CACNA1D: variants seen among roughly 807,000 people sequenced by gnomAD.
CACNA1D encodes voltage-dependent L-type calcium channel subunit alpha-1D.
Under a neutral mutation model 257.1 loss-of-function variants are expected in CACNA1D, and 55 were observed. The ratio of observed to expected loss-of-function variants is 0.21; its 90% CI spans 0.17 to 0.27. The LOEUF (loss-of-function observed/expected upper bound fraction) is 0.27, where lower values mean the gene tolerates loss of function less well. Among genes scored for constraint, CACNA1D ranks in the 10% least tolerant of loss-of-function variants. The pLI, the probability that CACNA1D is intolerant of heterozygous loss-of-function variation, is 1.00. For missense variants in CACNA1D, 1,876 were observed against 2,784.0 expected, an observed-to-expected ratio of 0.67 and a Z score of 7.34; for synonymous variants, 980 against 1,014.9, an observed-to-expected ratio of 0.97 and a Z score of 0.65.
intron 4 of CACNA1D, among the ~76,000 whole-genome samples, chr3:53,657,784 C>A (rs1298782238): frequency 1.3e-5 from 2 of 152,190 alleles, no homozygotes; most frequent in African/African-American, 4.8e-5. Context: ...CTGGATTTTT[C>A]CATTCCAACA....
intron 43 of CACNA1D, 104 bp from the exon 44 acceptor site, chr3:53,803,319 C>T: frequency 7.6e-7 from 1 of 1,321,720 alleles, no homozygotes; most frequent in Admixed American, 1.7e-5. Context: ...CTGGGAGAAG[C>T]CAGGAGCACC....
chr3:53,555,437 GGTGT>G lies in CACNA1D; in HGVS notation c.483+53738_483+53741del, dbSNP rs1165879084. Among the ~76,000 whole-genome samples, 111 of 122,880 alleles carry G rather than the reference GGTGT, an allele frequency of 9.0e-4. 2 individuals carry two copies. The highest frequency in any genetic ancestry group is 3.2e-3 in the African/African-American group (95 of 29,324). The allele number at this position is 122,880 out of a possible 152,430, so 80.6% of individuals were successfully genotyped here. On this transcript the variant is annotated intron_variant, in intron 3 of 47. Coordinates refer to ENST00000350061, the MANE Select transcript of CACNA1D (RefSeq NM_001128840.3). ...TGCTCTCTGGCTGCTTTTTCTGGTG[GGTGT>G]GTGTGTGTGTGTGTGTGTGTTTTTT...
chr3:53,674,110 C>G, intron 8 of CACNA1D: 1 of 510,556 alleles, frequency 2.0e-6, no homozygotes, highest in African/African-American at 1.9e-5. Flanking sequence ...GGAATTCCAG[C>G]CTTGGTCTCC....
chr3:53,569,925 C>T (rs1024578581), intron 3 of CACNA1D, among the ~76,000 whole-genome samples: 4 of 152,252 alleles, frequency 2.6e-5, no homozygotes, highest in Middle Eastern at 6.8e-3. Context: ...AAATTACATG[C>T]TGAATATATG....
intron 42 of CACNA1D, among the ~76,000 whole-genome samples, chr3:53,801,730 G>T (rs973410495): frequency 6.6e-6 from 1 of 152,214 alleles, no homozygotes; most frequent in Non-Finnish European, 1.5e-5. Flanking sequence ...TGCGACAGGG[G>T]TTGGTGAATT....
At position 53,730,134 on chromosome 3, in the gene CACNA1D, G is replaced by A. The variant is rs77138356; in HGVS notation, c.2222-308G>A. On this transcript the variant is annotated intron_variant, in intron 15 of 47. Transcript: ENST00000350061. ...AAATGTATAACATAGCTATAGATAC[G>A]TAGATGTTTGGACACACACACACAC... 0.033 allele frequency among the ~76,000 whole-genome samples: 4,982 copies of A among 152,160 alleles called. 271 individuals carry two copies. The highest frequency in any genetic ancestry group is 0.11 in the African/African-American group (4,676 of 41,478).
chr3:53,743,503 G>A (rs957263094), intron 22 of CACNA1D, among the ~76,000 whole-genome samples: 2 of 152,190 alleles, frequency 1.3e-5, no homozygotes, highest in Admixed American at 6.5e-5. Context: ...GGACCAGGTG[G>A]CCTTTCAGTT....
intron 30 of CACNA1D, chr3:53,765,765 TA>T (rs950916399): frequency 3.3e-5 from 5 of 152,258 alleles, no homozygotes; most frequent in Admixed American, 2.6e-4. Flanking sequence ...ACGTTTTGGG[TA>T]GTCCTTTGCA....
chr3:53,520,894 C>CTTTA (rs1559785120), intron 3 of CACNA1D, among the ~76,000 whole-genome samples: 2 of 103,034 alleles, frequency 1.9e-5, no homozygotes, highest in Non-Finnish European at 4.2e-5. Context: ...TTCTTTCTTT[C>CTTTA]TTTTCTTTTC....
intron 30 of CACNA1D, among the ~76,000 whole-genome samples, chr3:53,763,373 G>A (rs550099891): frequency 2.6e-4 from 40 of 152,316 alleles, no homozygotes; most frequent in African/African-American, 7.0e-4. Context: ...ATTAAGAAGC[G>A]TGAGAAAGGG....
At chr3:53,640,798 CAT>C (rs1392856759) in intron 3 of CACNA1D, among the ~76,000 whole-genome samples, 3 of 152,184 alleles carry the variant, frequency 2.0e-5, no homozygotes, top group African/African-American at 4.8e-5. Context: ...AATGGCAAAA[CAT>C]GTGACACTGC....
intron 3 of CACNA1D, among the ~76,000 whole-genome samples, chr3:53,509,841 C>A (rs765511981): frequency 6.6e-6 from 1 of 152,182 alleles, no homozygotes; most frequent in Non-Finnish European, 1.5e-5. Flanking sequence ...GTCAGGGATT[C>A]CTGCATAACA....
At chr3:53,750,493 C>A (rs1382204532) in intron 27 of CACNA1D, among the ~76,000 whole-genome samples, 1 of 152,204 alleles carries the variant, frequency 6.6e-6, no homozygotes, top group Non-Finnish European at 1.5e-5. Context: ...GCAAGCCAAC[C>A]ATAGCTGGCT....
chr3:53,533,316 C>T lies in CACNA1D; in HGVS notation c.483+31596C>T, dbSNP rs541043447. Among the ~76,000 whole-genome samples the T allele has an allele frequency of 1.9e-3, 282 of 152,202 alleles. 1 individual carries two copies. Among genetic ancestry groups the T allele is most frequent in the Admixed American group, 6.0e-3 (91 of 15,294 alleles). ...ACCTTAAATACTTTGAGAAGTAGAT[C>T]GGGTCTACGTTTAAAAATCGCGTAT... On this transcript the variant is annotated intron_variant, in intron 3 of 47. Transcript: ENST00000350061.
intron 3 of CACNA1D, among the ~76,000 whole-genome samples, chr3:53,559,872 CA>C (rs1187222491): frequency 1.3e-5 from 2 of 151,892 alleles, no homozygotes; most frequent in African/African-American, 4.8e-5. Flanking sequence ...GAAAAAGAAG[CA>C]ATGGAAATTC....
chr3:53,809,987 G>A lies in CACNA1D; in HGVS notation c.5881G>A (p.Val1961Ile), dbSNP rs781005182. 1 of 1,614,078 alleles carries A rather than the reference G, an allele frequency of 6.2e-7. No homozygotes were observed. Among genetic ancestry groups the A allele is most frequent in the South Asian group, 1.1e-5 (1 of 91,082 alleles). The change falls in exon 47 of 48, where the codon GTT (valine) becomes ATT (isoleucine). Residue 1961 changes from valine to isoleucine, a missense_variant. Val to Ile is a conservative substitution (Grantham distance 29). This residue lies in a region of CACNA1D where 491 missense variants were observed against 554.3 expected (regional missense o/e 0.89). Coordinates refer to ENST00000350061, the MANE Select transcript of CACNA1D (RefSeq NM_001128840.3). The part of the protein sequence containing the change: ...LHLMQQQIMA[V>I]AGLDSSKAQK... The stretch of plus-strand genomic sequence containing the variant: ...TCCCCTCTTTCCTCAGATCATGGCA[G>A]TTGCCGGCCTAGATTCAAGTAAAGC...
At chr3:53,749,579 C>G (rs2095206452) in intron 27 of CACNA1D, 110 bp downstream of exon 27, 5 of 786,964 alleles carry the variant, frequency 6.4e-6, no homozygotes, top group Non-Finnish European at 1.1e-5. Flanking sequence ...TACTGTCTGT[C>G]CCTGGGGCTA....
chr3:53,682,365 T>TTAAA (rs1405672508), intron 8 of CACNA1D, among the ~76,000 whole-genome samples: 4 of 47,386 alleles, frequency 8.4e-5, no homozygotes, highest in Non-Finnish European at 7.4e-5. Flanking sequence ...TTGTCTCTGG[T>TTAAA]AAAAAAAAAA....
chr3:53,668,353 C>G (rs189909551), intron 7 of CACNA1D, among the ~76,000 whole-genome samples: 1 of 152,262 alleles, frequency 6.6e-6, no homozygotes, highest in East Asian at 1.9e-4. Flanking sequence ...GAGGGAACTT[C>G]AGGCTCCTAG....
Sources: gnomAD v4.1 joint callset for allele counts (sites outside exome capture counted in the v4.1 genomes callset) on GRCh38, gnomAD v4.1.1 for gene constraint, gnomAD v4.1.1 regional missense constraint, MANE v1.5 for transcripts, NCBI Gene and HGNC (gene_info 2026-07-23, HGNC 2026-07-21) for gene names.